Variants in ANK3 observed in about 807,000 individuals in gnomAD.
ANK3 encodes ankyrin-3.
A neutral mutation model predicts 370.9 loss-of-function variants in ANK3; 57 were observed. The ratio of observed to expected loss-of-function variants is 0.15; its 90% CI spans 0.12 to 0.19. The LOEUF (loss-of-function observed/expected upper bound fraction) is 0.19, where lower values mean the gene tolerates loss of function less well. Ranked by LOEUF, ANK3 falls within the 10% of genes least tolerant of loss-of-function variation. The pLI is 1.00. For synonymous variants in ANK3, 1,929 were observed against 1,946.3 expected (o/e 0.99, Z 0.23); for missense variants, 4,439 against 5,302.1 (o/e 0.84, Z 5.06).
chr10:60,360,395 A>G (rs759855375), intron 1 of ANK3, among the ~76,000 whole-genome samples: 3 of 152,212 alleles, frequency 2.0e-5, no homozygotes, highest in Non-Finnish European at 4.4e-5. Context: ...ATTTCTTACT[A>G]TGTGAAGAGA....
At chr10:60,347,809 C>G (rs189906519) in intron 1 of ANK3, among the ~76,000 whole-genome samples, 1 of 152,172 alleles carries the variant, frequency 6.6e-6, no homozygotes, top group Admixed American at 6.5e-5. Context: ...GACTCACCCC[C>G]TGAGAATTTA....
At chr10:60,137,399 ATAGAAAG>A in intron 24 of ANK3, 3 of 324,986 alleles carry the variant, frequency 9.2e-6, no homozygotes, top group East Asian at 7.9e-5. Flanking sequence ...AAAACAAGAA[ATAGAAAG>A]CAAAAAATCA....
intron 1 of ANK3, among the ~76,000 whole-genome samples, chr10:60,630,929 C>G (rs920136367): frequency 6.6e-6 from 1 of 152,072 alleles, no homozygotes; most frequent in African/African-American, 2.4e-5. Context: ...GTGCCAAGGA[C>G]GTGGCACTGC....
intron 2 of ANK3, chr10:60,615,099 T>G: frequency 1.2e-6 from 1 of 844,874 alleles, no homozygotes; most frequent in Non-Finnish European, 1.7e-6. Flanking sequence ...TGTAAATAAT[T>G]CATTCAACTC....
In ANK3 at chr10:60,207,184, A is replaced by C. The variant is rs78714093; in HGVS notation, c.1194+852T>G. Among the ~76,000 whole-genome samples, 369 of 152,060 alleles carry C rather than the reference A, an allele frequency of 2.4e-3. 2 individuals are homozygous for C. Among genetic ancestry groups the C allele is most frequent in the Non-Finnish European group, 4.3e-3 (293 of 67,996 alleles). ...GCAAGGAGGTGTCTGGGGTCTGGAGAGTTTCTCTTTCGTCATTCTTTCCTG... is the reference window on the plus strand; with the variant it reads ...GCAAGGAGGTGTCTGGGGTCTGGAGCGTTTCTCTTTCGTCATTCTTTCCTG... On this transcript the variant is annotated intron_variant, in intron 10 of 43. Coordinates refer to ENST00000280772, the MANE Select transcript of ANK3 (RefSeq NM_020987.5).
At chr10:60,369,358 A>G (rs900301844) in intron 1 of ANK3, among the ~76,000 whole-genome samples, 5 of 152,176 alleles carry the variant, frequency 3.3e-5, no homozygotes, top group Non-Finnish European at 5.9e-5. Context: ...GAAGCTCAAC[A>G]TTATTAAATT....
chr10:60,028,869 T>C lies in ANK3; in HGVS notation c.*977A>G, dbSNP rs1300103483. 1 of 151,604 alleles carries C rather than the reference T, an allele frequency of 6.6e-6. No homozygotes were observed. Among genetic ancestry groups the C allele is most frequent in the Non-Finnish European group, 1.5e-5 (1 of 67,844 alleles). The allele number at this position is 151,604 out of a possible 1,614,324, so 9.4% of individuals were successfully genotyped here. A position where few individuals can be genotyped will look rare whatever the true frequency, so the allele number is the denominator to read the frequency against. ...CTACCGTATAGGTTATTTTTTTTTG[T>C]TGTTTTTAGGTCATTTCATTGAAAA... On this transcript the variant is annotated 3_prime_UTR_variant, in exon 44 of 44. Transcript: ENST00000280772.
chr10:60,380,139 C>T (rs1416091757), intron 1 of ANK3, among the ~76,000 whole-genome samples: 1 of 152,042 alleles, frequency 6.6e-6, no homozygotes, highest in Non-Finnish European at 1.5e-5. Context: ...AATACATTTC[C>T]AGTAAATGAA....
chr10:60,684,720 C>T (rs2079245336), intron 1 of ANK3: 4 of 1,586,374 alleles, frequency 2.5e-6, no homozygotes, highest in Admixed American at 3.4e-5. Flanking sequence ...TCACTTTTCA[C>T]TTCGGGGATG....
At position 60,070,293 on chromosome 10, in the gene ANK3, T is replaced by A; in HGVS notation, c.10588A>T (p.Thr3530Ser). The A allele has an allele frequency of 6.2e-7, 1 of 1,613,998 alleles. No individual in the cohort carries two copies. The highest frequency in any genetic ancestry group is 8.5e-7 in the Non-Finnish European group (1 of 1,179,974). Residue 3530 changes from threonine (T) to serine (S), a missense_variant, in exon 37 of 44, where the codon ACT (threonine) becomes TCT (serine). Around this residue, in one of 13 missense-constraint regions of ANK3, gnomAD observed 1,601 missense variants for 1,731.7 expected, o/e 0.92. Coordinates refer to ENST00000280772, the MANE Select transcript of ANK3 (RefSeq NM_020987.5). This position sits in a 1 kb window ranked among gnomAD's most constrained non-coding sequence, Gnocchi z 5.7. Reference protein sequence around the residue: ...FSYKVDEEFATPFKTVATKGL... With the variant: ...FSYKVDEEFASPFKTVATKGL... Reference sequence around the variant, plus strand: ...TTGGTAGCTACTGTTTTAAAAGGAGTGGCAAATTCTTCATCTACTTTGTAA... The same window carrying A: ...TTGGTAGCTACTGTTTTAAAAGGAGAGGCAAATTCTTCATCTACTTTGTAA...
At chr10:60,708,666 C>T (rs2133426571) in intron 1 of ANK3, among the ~76,000 whole-genome samples, 1 of 152,260 alleles carries the variant, frequency 6.6e-6, no homozygotes, top group South Asian at 2.1e-4. Context: ...GATCCTAACC[C>T]ACCTGAGGGA....
intron 2 of ANK3, among the ~76,000 whole-genome samples, chr10:60,467,985 T>A (rs1263083929): frequency 7.9e-5 from 1 of 12,674 alleles, no homozygotes; most frequent in Non-Finnish European, 2.4e-4. Flanking sequence ...ATATAAAAAC[T>A]TTTTTTTTTT....
intron 9 of ANK3, among the ~76,000 whole-genome samples, chr10:60,210,877 C>T (rs2096843559): frequency 6.6e-6 from 1 of 152,110 alleles, no homozygotes; most frequent in Non-Finnish European, 1.5e-5. Flanking sequence ...TTTTAACACC[C>T]AACTCCTGGA....
At chr10:60,034,059 G>C (rs1276056012) in intron 43 of ANK3, among the ~76,000 whole-genome samples, 2 of 149,888 alleles carry the variant, frequency 1.3e-5, no homozygotes, top group Admixed American at 1.3e-4. Flanking sequence ...CAGTAGGTCA[G>C]TGTGTCTGAA....
chr10:60,210,881 T>C (rs963464012), intron 9 of ANK3, among the ~76,000 whole-genome samples: 2 of 152,070 alleles, frequency 1.3e-5, no homozygotes, highest in African/African-American at 4.8e-5. Context: ...AACACCCAAC[T>C]CCTGGAAAAA....
rs777516599 is a variant in ANK3 at position 60,069,666 on chromosome 10, C to T, written c.11215G>A (p.Gly3739Arg). Residue 3739 changes from glycine to arginine, a missense_variant, in exon 37 of 44, where the codon GGA becomes AGA. Coordinates refer to ENST00000280772, the MANE Select transcript of ANK3 (RefSeq NM_020987.5). ...GCTTCTATCTTATCTGTTATTTCTC[C>T]AGGGCCTTCTTTCTTCATGGTCATG... ...STMTMKKEGP[G>R]EITDKIEAVM... 6.2e-7 allele frequency: 1 copy of T among 1,614,096 alleles called. No homozygotes were observed. Among genetic ancestry groups the T allele is most frequent in the Non-Finnish European group, 8.5e-7 (1 of 1,180,014 alleles).
chr10:60,585,390 G>C (rs969178037), intron 2 of ANK3, among the ~76,000 whole-genome samples: 3 of 152,132 alleles, frequency 2.0e-5, no homozygotes, highest in Admixed American at 6.5e-5. Context: ...TTTAAGTATA[G>C]GATAGAGAAC....
rs753231592 is a variant in ANK3 at position 60,205,907 on chromosome 10, C to T, written c.1195-17G>A. 2.0e-6 allele frequency: 3 copies of T among 1,488,242 alleles called. No homozygotes were observed. The highest frequency in any genetic ancestry group is 2.3e-5 in the South Asian group (2 of 88,464). The allele number at this position is 1,488,242 out of a possible 1,614,324, so 92.2% of individuals were successfully genotyped here. ...AAAGCCATTCTGCAAGGGACAAATA[C>T]ATATACCTGCTTGACTACATTCCAT... On this transcript the variant is annotated splice_polypyrimidine_tract_variant and intron_variant, in intron 10 of 43. Coordinates refer to ENST00000280772, the MANE Select transcript of ANK3 (RefSeq NM_020987.5).
intron 2 of ANK3, among the ~76,000 whole-genome samples, chr10:60,557,941 T>C (rs561174145): frequency 6.6e-6 from 1 of 152,198 alleles, no homozygotes; most frequent in Non-Finnish European, 1.5e-5. Context: ...TTTCTTTGCA[T>C]CTCAATGATA....
Sources: allele counts gnomAD v4.1 joint callset (sites outside exome capture counted in the v4.1 genomes callset), GRCh38; gene constraint gnomAD v4.1.1; regional missense constraint gnomAD v4.1.1; non-coding constraint Gnocchi (gnomAD v3.1); transcripts MANE v1.5; gene names NCBI Gene and HGNC (gene_info 2026-07-23, HGNC 2026-07-21).